Variants in LAMA2 observed in about 807,000 individuals in gnomAD.
The protein encoded by LAMA2 is laminin subunit alpha-2.
A neutral mutation model predicts 364.8 loss-of-function variants in LAMA2; 269 were observed. The ratio of observed to expected loss-of-function variants is 0.74; its 90% CI spans 0.67 to 0.82. LAMA2 has a LOEUF of 0.82. LAMA2 is among the 40% of genes least tolerant of loss of function. The pLI, the probability that LAMA2 is intolerant of heterozygous loss-of-function variation, is 0.00. For missense variants in LAMA2, 3,807 were observed against 3,873.2 expected, an observed-to-expected ratio of 0.98 and a Z score of 0.45; for synonymous variants, 1,379 against 1,370.6, an observed-to-expected ratio of 1.01 and a Z score of -0.14.
chr6:129,332,207 A>G (rs73585593), intron 29 of LAMA2, among the ~76,000 whole-genome samples: 1,685 of 152,198 alleles, frequency 0.011, 29 homozygotes, highest in African/African-American at 0.039. Flanking sequence ...TGGGGAGGTA[A>G]TTTTTCTGCA....
chr6:129,163,074 A>C (rs1198476404), intron 8 of LAMA2, among the ~76,000 whole-genome samples: 1 of 152,180 alleles, frequency 6.6e-6, no homozygotes, highest in African/African-American at 2.4e-5. Flanking sequence ...TTGAGATTTT[A>C]TTCCACATTT....
chr6:129,502,898 C>G, intron 59 of LAMA2, 127 bp downstream of exon 59: 1 of 860,536 alleles, frequency 1.2e-6, no homozygotes, highest in Admixed American at 2.0e-5. Context: ...TCACTGAGTA[C>G]AATAGAGAAT....
chr6:128,980,437 G>A (rs981642723), intron 1 of LAMA2, among the ~76,000 whole-genome samples: 2 of 152,152 alleles, frequency 1.3e-5, no homozygotes, highest in Admixed American at 6.5e-5. Flanking sequence ...GGGTACGCAC[G>A]TGACCATTCA....
intron 17 of LAMA2, among the ~76,000 whole-genome samples, chr6:129,279,006 A>C (rs1343313813): frequency 6.6e-6 from 1 of 152,182 alleles, no homozygotes; most frequent in Non-Finnish European, 1.5e-5. Flanking sequence ...TCAAATCAGG[A>C]CTTGGAATGT....
intron 3 of LAMA2, among the ~76,000 whole-genome samples, chr6:129,078,618 C>T (rs1428859818): frequency 6.6e-6 from 1 of 152,112 alleles, no homozygotes; most frequent in Non-Finnish European, 1.5e-5. Context: ...TGGTTAGCCT[C>T]TTATAATATG....
chr6:129,070,645 T>C (rs1230428564), intron 3 of LAMA2, among the ~76,000 whole-genome samples: 1 of 152,142 alleles, frequency 6.6e-6, no homozygotes, highest in East Asian at 1.9e-4. Flanking sequence ...CCTTAAAAGC[T>C]TTTCTGATTT....
At chr6:129,262,224 G>C (rs1174635364) in intron 15 of LAMA2, among the ~76,000 whole-genome samples, 1 of 152,020 alleles carries the variant, frequency 6.6e-6, no homozygotes. Context: ...GATAAATTCT[G>C]TAAATTTACC....
chr6:129,476,725 T>C (rs1167803694), intron 53 of LAMA2, among the ~76,000 whole-genome samples: 1 of 152,156 alleles, frequency 6.6e-6, no homozygotes, highest in African/African-American at 2.4e-5. Context: ...GTTAATGAAA[T>C]TCACCTTCTC....
intron 1 of LAMA2, among the ~76,000 whole-genome samples, chr6:128,926,980 G>T (rs1421938554): frequency 6.6e-6 from 1 of 152,148 alleles, no homozygotes; most frequent in Non-Finnish European, 1.5e-5. Context: ...ATCCTCTAAG[G>T]TATAGTTTTG....
At chr6:129,262,867 C>G (rs1399437527) in intron 15 of LAMA2, among the ~76,000 whole-genome samples, 2 of 152,014 alleles carry the variant, frequency 1.3e-5, no homozygotes, top group Non-Finnish European at 2.9e-5. Context: ...AACCTCTGGC[C>G]AAAAAAGGAT....
intron 1 of LAMA2, among the ~76,000 whole-genome samples, chr6:128,884,439 A>C (rs1776032889): frequency 6.6e-6 from 1 of 152,226 alleles, no homozygotes; most frequent in Non-Finnish European, 1.5e-5. Flanking sequence ...TAAGTTTTGA[A>C]GTATACTTAT....
chr6:128,924,206 A>ATC (rs536661184), intron 1 of LAMA2, among the ~76,000 whole-genome samples: 294 of 152,226 alleles, frequency 1.9e-3, no homozygotes, highest in African/African-American at 5.4e-3. Context: ...CTTTTCATAT[A>ATC]TATATACACA....
intron 1 of LAMA2, among the ~76,000 whole-genome samples, chr6:128,899,447 A>G (rs568055213): frequency 7.2e-4 from 110 of 152,358 alleles, no homozygotes; most frequent in Admixed American, 1.7e-3. Flanking sequence ...TTAATAAAGT[A>G]TGTTATATAA....
Position 129,098,319 on chromosome 6 carries a change from T to C in LAMA2, c.543T>C (p.Asn181=). The change falls in exon 4 of 65, where the codon AAT becomes AAC. Residue 181 remains asparagine, a synonymous_variant. Coordinates refer to ENST00000421865, the MANE Select transcript of LAMA2 (RefSeq NM_000426.4). The part of the protein sequence containing the change: ...VTDTECLTLY[N]IYPRTGPPSY... ...ACACGGAGTGCCTAACGCTTTACAATATTTATCCCCGCACTGGGCCACCGT... is the reference window on the plus strand; with the variant it reads ...ACACGGAGTGCCTAACGCTTTACAACATTTATCCCCGCACTGGGCCACCGT... The C allele has an allele frequency of 6.2e-7, 1 of 1,614,100 alleles. No individual in the cohort carries two copies. Among genetic ancestry groups the C allele is most frequent in the Non-Finnish European group, 8.5e-7 (1 of 1,179,986 alleles).
At chr6:129,007,431 G>A (rs190919641) in intron 1 of LAMA2, among the ~76,000 whole-genome samples, 377 of 152,244 alleles carry the variant, frequency 2.5e-3, no homozygotes, top group Non-Finnish European at 2.2e-3. Context: ...TAAATAAGAA[G>A]TGAATTGAGG....
intron 54 of LAMA2, 149 bp from the exon 55 acceptor site, chr6:129,481,114 G>A (rs1166078863): frequency 8.9e-6 from 6 of 672,904 alleles, no homozygotes; most frequent in Admixed American, 2.4e-5. Context: ...TTCTTCAACT[G>A]CTCTTAAACT....
chr6:129,263,531 G>A (rs1488093770), intron 15 of LAMA2, among the ~76,000 whole-genome samples: 2 of 152,148 alleles, frequency 1.3e-5, no homozygotes, highest in African/African-American at 4.8e-5. Context: ...AGATCGTGGA[G>A]TCTGTAAGGA....
chr6:129,045,665 C>T (rs1055582053), intron 1 of LAMA2, among the ~76,000 whole-genome samples: 1 of 152,198 alleles, frequency 6.6e-6, no homozygotes, highest in Non-Finnish European at 1.5e-5. Context: ...TGCTTTTGCT[C>T]TCTTTATTTA....
At chr6:129,093,604 A>C (rs1226769917) in intron 3 of LAMA2, among the ~76,000 whole-genome samples, 1 of 152,222 alleles carries the variant, frequency 6.6e-6, no homozygotes, top group Non-Finnish European at 1.5e-5. Context: ...GAAAGACCCT[A>C]TTCTCCATTT....
Sources: gnomAD v4.1 joint callset for allele counts (sites outside exome capture counted in the v4.1 genomes callset) on GRCh38, gnomAD v4.1.1 for gene constraint, MANE v1.5 for transcripts, NCBI Gene and HGNC (gene_info 2026-07-23, HGNC 2026-07-21) for gene names.